PPHLN1: variants seen among roughly 807,000 people sequenced by gnomAD.
PPHLN1 encodes the protein periphilin 1, also known as periphilin-1.
In PPHLN1, 29 loss-of-function variants were observed where a neutral mutation model predicts 51.3. The ratio of observed to expected loss-of-function variants is 0.57; its 90% CI spans 0.42 to 0.77. The LOEUF is 0.77. PPHLN1 is among the 30% of genes least tolerant of loss of function. The pLI is 0.00. For synonymous variants in PPHLN1, 147 were observed against 147.8 expected (o/e 0.99, Z 0.04); for missense variants, 436 against 438.4 (o/e 0.99, Z 0.05).
rs1366700928 is a variant in PPHLN1 at position 42,441,213 on chromosome 12, TCTC to T, written c.910-101_910-99del. On this transcript the variant is annotated intron_variant, in intron 9 of 9. Transcript: ENST00000358314. The stretch of plus-strand genomic sequence containing the variant: ...AAGGTTCCGCTTTCTTTTTTGTGTC[TCTC>T]TTTTAGATGTCAGCATCATAATTCT... 9 of 1,405,630 alleles carry T rather than the reference TCTC, an allele frequency of 6.4e-6. No homozygotes were observed. In the East Asian group the frequency reaches 2.1e-4, roughly 33 times the overall value. The allele number at this position is 1,405,630 out of a possible 1,614,324, so 87.1% of individuals were successfully genotyped here.
chr12:42,379,448 T>G (rs866944000), intron 5 of PPHLN1, among the ~76,000 whole-genome samples: 22 of 147,536 alleles, frequency 1.5e-4, no homozygotes, highest in Admixed American at 8.0e-4. Flanking sequence ...ATTCTTCATG[T>G]TTTTTTTTTC....
At chr12:42,422,826 CA>C (rs1280118231) in intron 9 of PPHLN1, among the ~76,000 whole-genome samples, 3 of 152,260 alleles carry the variant, frequency 2.0e-5, no homozygotes, top group Admixed American at 1.3e-4. Context: ...AAATTATTTG[CA>C]AACAAAACAT....
intron 9 of PPHLN1, among the ~76,000 whole-genome samples, chr12:42,421,743 A>G (rs2081026981): frequency 6.6e-6 from 1 of 152,306 alleles, no homozygotes; most frequent in African/African-American, 2.4e-5. Context: ...TTTAGAATGT[A>G]TAGTAGATAG....
intron 9 of PPHLN1, among the ~76,000 whole-genome samples, chr12:42,411,776 A>G (rs562934947): frequency 4.0e-5 from 6 of 151,062 alleles, no homozygotes; most frequent in Middle Eastern, 3.4e-3. Context: ...ATGGTGGTGC[A>G]TGCCTGTAGT....
intron 2 of PPHLN1, among the ~76,000 whole-genome samples, chr12:42,343,412 A>G (rs1019841851): frequency 6.6e-6 from 1 of 152,168 alleles, no homozygotes; most frequent in Non-Finnish European, 1.5e-5. Context: ...GTGACCATCC[A>G]TATACTCCCC....
At position 42,441,574 on chromosome 12, in the gene PPHLN1, T is replaced by C; in HGVS notation, c.*65T>C. On this transcript the variant is annotated 3_prime_UTR_variant, in exon 10 of 10. Coordinates refer to ENST00000358314, the MANE Select transcript of PPHLN1 (RefSeq NM_201439.2). ...TAAAAATTTTTTTTCCTGGATTGTG[T>C]AAATCCTTAATATATGGAATTTTTG... 1 of 1,423,010 alleles carries C rather than the reference T, an allele frequency of 7.0e-7. No homozygotes were observed. Among genetic ancestry groups the C allele is most frequent in the Non-Finnish European group, 9.2e-7 (1 of 1,089,074 alleles). 88.1% of individuals were successfully genotyped at this position (1,423,010 alleles called of 1,614,324 possible). A position where few individuals can be genotyped will look rare whatever the true frequency, so the allele number is the denominator to read the frequency against.
intron 4 of PPHLN1, among the ~76,000 whole-genome samples, chr12:42,371,629 G>A (rs1347987874): frequency 6.6e-6 from 1 of 152,064 alleles, no homozygotes; most frequent in African/African-American, 2.4e-5. Context: ...CTAAATCTAT[G>A]CTGTCCAATA....
chr12:42,364,514 C>A (rs1312476289), intron 4 of PPHLN1, among the ~76,000 whole-genome samples: 1 of 152,020 alleles, frequency 6.6e-6, no homozygotes, highest in Non-Finnish European at 1.5e-5. Flanking sequence ...CGCTTGGTAC[C>A]TTTGGAAGCT....
downstream of PPHLN1, chr12:42,446,216 C>G (rs952206173): frequency 6.2e-7 from 1 of 1,612,746 alleles, no homozygotes; most frequent in African/African-American, 1.3e-5. Flanking sequence ...GATCCTGCTC[C>G]GAACACAGAC....
intron 5 of PPHLN1, among the ~76,000 whole-genome samples, chr12:42,376,686 AAGGCTGAGGT>A (rs1192464499): frequency 1.3e-5 from 2 of 152,118 alleles, no homozygotes; most frequent in Non-Finnish European, 2.9e-5. Context: ...AGCTACTCAG[AAGGCTGAGGT>A]AGGATTGCTT....
At chr12:42,442,649 G>A (rs764072834), downstream of PPHLN1, 83 of 1,613,978 alleles carry the variant, frequency 5.1e-5, no homozygotes, top group Middle Eastern at 8.2e-4. Flanking sequence ...AGAGTCTGCA[G>A]GACAGACTTG....
chr12:42,430,563 C>T (rs2081954402), intron 9 of PPHLN1, among the ~76,000 whole-genome samples: 2 of 151,860 alleles, frequency 1.3e-5, no homozygotes, highest in African/African-American at 2.4e-5. Flanking sequence ...ATGGTGTGAT[C>T]TTGGCTCACT....
At chr12:42,328,902 C>T (rs778746177) in intron 1 of PPHLN1, among the ~76,000 whole-genome samples, 6 of 151,944 alleles carry the variant, frequency 3.9e-5, no homozygotes, top group Non-Finnish European at 7.4e-5. Flanking sequence ...TAAGTGGAGA[C>T]GGGGTATTAC....
chr12:42,441,424 A>T lies in PPHLN1; in HGVS notation c.1019A>T (p.Glu340Val). ...IQFALRQNLH[E>V]IGERCVEELK... Reference sequence around the variant, plus strand: ...TTTGCATTGAGGCAGAATTTACATGAAATAGGTGAGCGGTGTGTTGAAGAA... The same window carrying T: ...TTTGCATTGAGGCAGAATTTACATGTAATAGGTGAGCGGTGTGTTGAAGAA... Residue 340 changes from glutamate to valine, a missense_variant, in exon 10 of 10, where the codon GAA (glutamate) becomes GTA (valine). By Grantham distance (121) the Glu-to-Val change is moderately radical. Transcript: ENST00000358314. 1.2e-6 allele frequency: 2 copies of T among 1,614,110 alleles called. No individual in the cohort carries two copies. Among genetic ancestry groups the T allele is most frequent in the Non-Finnish European group, 1.7e-6 (2 of 1,179,984 alleles).
At chr12:42,359,812 A>G (rs535159955) in intron 4 of PPHLN1, among the ~76,000 whole-genome samples, 2 of 152,330 alleles carry the variant, frequency 1.3e-5, no homozygotes, top group Admixed American at 1.3e-4. Context: ...AAATATTAAA[A>G]GATTTGAAAA....
intron 9 of PPHLN1, among the ~76,000 whole-genome samples, chr12:42,438,601 T>C (rs2082677071): frequency 6.6e-6 from 1 of 152,170 alleles, no homozygotes; most frequent in Non-Finnish European, 1.5e-5. Context: ...TTTTGTTTTT[T>C]GTTTTTGTTT....
chr12:42,335,648 T>G (rs895314834), intron 1 of PPHLN1, among the ~76,000 whole-genome samples: 1 of 151,194 alleles, frequency 6.6e-6, no homozygotes, highest in Non-Finnish European at 1.5e-5. Flanking sequence ...TTTGAAGCTT[T>G]AAATAGTCTT....
At chr12:42,394,385 C>A (rs927320399) in intron 8 of PPHLN1, among the ~76,000 whole-genome samples, 1 of 152,044 alleles carries the variant, frequency 6.6e-6, no homozygotes, top group Admixed American at 6.5e-5. Context: ...AAATCCGTCC[C>A]GTGACAAATT....
intron 9 of PPHLN1, among the ~76,000 whole-genome samples, chr12:42,440,163 G>A (rs1245860203): frequency 1.3e-5 from 2 of 149,214 alleles, no homozygotes; most frequent in Admixed American, 1.3e-4. Context: ...TCTTTCATTG[G>A]TATTTTATAG....
Sources: gnomAD v4.1 joint callset for allele counts (sites outside exome capture counted in the v4.1 genomes callset) on GRCh38, gnomAD v4.1.1 for gene constraint, MANE v1.5 for transcripts, NCBI Gene and HGNC (gene_info 2026-07-23, HGNC 2026-07-21) for gene names.